SYNPR: variants seen among roughly 807,000 people sequenced by gnomAD.
SYNPR encodes synaptoporin.
SYNPR carries 23 observed loss-of-function variants against 32.9 expected under a neutral mutation model. That is an observed-to-expected ratio of 0.70 (90% CI 0.50 to 0.99). SYNPR has a LOEUF of 0.99. SYNPR is among the 50% of genes least tolerant of loss of function. The pLI is 0.00. For synonymous variants in SYNPR, 146 were observed against 135.9 expected (o/e 1.07, Z -0.52); for missense variants, 318 against 349.3 (o/e 0.91, Z 0.71).
chr3:63,598,027 G>C (rs577233358), intron 4 of SYNPR, among the ~76,000 whole-genome samples: 32 of 152,296 alleles, frequency 2.1e-4, no homozygotes, highest in African/African-American at 7.0e-4. Flanking sequence ...GTGTGGATGA[G>C]AGTGACTCTC....
the SYNPR span, chr3:63,203,285 C>T: frequency 0.79 from 119,551 of 151,684 alleles, 47,722 homozygotes; most frequent in Middle Eastern, 0.86. Context: ...CGTGTGGTCC[C>T]TAAAAATCAT....
At chr3:63,382,934 C>T (rs2087991061) in intron 2 of SYNPR, among the ~76,000 whole-genome samples, 1 of 152,144 alleles carries the variant, frequency 6.6e-6, no homozygotes, top group South Asian at 2.1e-4. Context: ...TTTTGTATCA[C>T]TTAATACATT....
upstream of SYNPR, among the ~76,000 whole-genome samples, chr3:63,225,595 G>C (rs1368039659): frequency 6.6e-6 from 1 of 152,112 alleles, no homozygotes; most frequent in African/African-American, 2.4e-5. Context: ...GAAGGGAAGG[G>C]AAAGAAGTAG....
intron 2 of SYNPR, among the ~76,000 whole-genome samples, chr3:63,339,888 C>T (rs1385865496): frequency 2.0e-5 from 3 of 152,124 alleles, no homozygotes; most frequent in Non-Finnish European, 4.4e-5. Context: ...AACTCCTGAC[C>T]TCAGGTGATC....
chr3:63,305,962 G>GC (rs1326481447), intron 2 of SYNPR, among the ~76,000 whole-genome samples: 1 of 151,926 alleles, frequency 6.6e-6, no homozygotes, highest in African/African-American at 2.4e-5. Context: ...CAACAGAAAT[G>GC]CCCCATCCAC....
chr3:63,237,046 T>C (rs892439442), intron 1 of SYNPR, among the ~76,000 whole-genome samples: 2 of 152,172 alleles, frequency 1.3e-5, no homozygotes, highest in East Asian at 3.9e-4. Flanking sequence ...CCCAACTTGG[T>C]AACAGTGTTT....
At chr3:63,435,626 G>C (rs1053713530) in intron 2 of SYNPR, among the ~76,000 whole-genome samples, 1 of 152,188 alleles carries the variant, frequency 6.6e-6, no homozygotes, top group African/African-American at 2.4e-5. Flanking sequence ...GTGCCCTGGA[G>C]CATCTCCATG....
At chr3:63,526,317 C>T (rs1474245501) in intron 3 of SYNPR, among the ~76,000 whole-genome samples, 1 of 152,196 alleles carries the variant, frequency 6.6e-6, no homozygotes, top group African/African-American at 2.4e-5. Context: ...ATTCTCCATC[C>T]CCTTGCTCTG....
intron 2 of SYNPR, among the ~76,000 whole-genome samples, chr3:63,340,025 T>A (rs1423415510): frequency 6.6e-6 from 1 of 152,170 alleles, no homozygotes; most frequent in Non-Finnish European, 1.5e-5. Context: ...CAGTAATCAC[T>A]CCTCCTTTTC....
intron 2 of SYNPR, among the ~76,000 whole-genome samples, chr3:63,307,852 G>A (rs987185711): frequency 6.6e-6 from 1 of 151,960 alleles, no homozygotes; most frequent in African/African-American, 2.4e-5. Flanking sequence ...AAAAAAACAT[G>A]GACTCTCGTC....
intron 2 of SYNPR, among the ~76,000 whole-genome samples, chr3:63,389,808 C>A (rs1422068818): frequency 6.6e-6 from 1 of 152,208 alleles, no homozygotes; most frequent in Non-Finnish European, 1.5e-5. Flanking sequence ...TATTTCTATT[C>A]TCTTTCTTTC....
intron 2 of SYNPR, among the ~76,000 whole-genome samples, chr3:63,446,916 A>G (rs1158158392): frequency 1.3e-5 from 2 of 152,330 alleles, no homozygotes; most frequent in Admixed American, 6.5e-5. Context: ...AGTTAAAAAA[A>G]GTTCAGAGTG....
chr3:63,372,403 C>T (rs1345999183), intron 2 of SYNPR, among the ~76,000 whole-genome samples: 2 of 152,158 alleles, frequency 1.3e-5, no homozygotes, highest in Non-Finnish European at 2.9e-5. Context: ...AGCCCCTCTG[C>T]CACTGCCACT....
At chr3:63,530,729 C>T (rs967060213) in intron 3 of SYNPR, among the ~76,000 whole-genome samples, 4 of 152,134 alleles carry the variant, frequency 2.6e-5, no homozygotes, top group Non-Finnish European at 4.4e-5. Flanking sequence ...CAGGACCATA[C>T]TTTGAGAAGC....
At chr3:63,418,582 T>A (rs183043293) in intron 2 of SYNPR, among the ~76,000 whole-genome samples, 1 of 151,734 alleles carries the variant, frequency 6.6e-6, no homozygotes, top group Non-Finnish European at 1.5e-5. Context: ...GAAAAAGAGG[T>A]TTAATGGACT....
chr3:63,382,754 T>G (rs2087988318), intron 2 of SYNPR, among the ~76,000 whole-genome samples: 2 of 152,176 alleles, frequency 1.3e-5, no homozygotes. Context: ...TTTTTAGTTG[T>G]ACTTAGAAGG....
intron 2 of SYNPR, among the ~76,000 whole-genome samples, chr3:63,343,484 A>G (rs920392814): frequency 6.6e-6 from 1 of 152,134 alleles, no homozygotes; most frequent in Non-Finnish European, 1.5e-5. Context: ...GAGTGAGGAC[A>G]TTGTTTGGAG....
At chr3:63,372,888 A>G (rs1164250812) in intron 2 of SYNPR, among the ~76,000 whole-genome samples, 1 of 152,174 alleles carries the variant, frequency 6.6e-6, no homozygotes, top group Non-Finnish European at 1.5e-5. Context: ...GGAAATATAG[A>G]GGAGCCATGT....
intron 2 of SYNPR, among the ~76,000 whole-genome samples, chr3:63,457,397 C>T (rs568359826): frequency 9.2e-5 from 14 of 151,952 alleles, no homozygotes; most frequent in East Asian, 5.8e-4. Flanking sequence ...CTTAAGATGT[C>T]ACTCTTTTTC....
Sources: allele counts gnomAD v4.1 joint callset (sites outside exome capture counted in the v4.1 genomes callset), GRCh38; gene constraint gnomAD v4.1.1; transcripts MANE v1.5; gene names NCBI Gene and HGNC (gene_info 2026-07-23, HGNC 2026-07-21).